The following ZNF528 variants were observed in gnomAD, a reference collection of about 807,000 sequenced individuals.
The protein encoded by ZNF528 is zinc finger protein 528.
ZNF528 carries 9 observed loss-of-function variants against 13.3 expected under a neutral mutation model. That is an observed-to-expected ratio of 0.67 (90% CI 0.41 to 1.18). ZNF528 has a LOEUF of 1.18. Ranked by LOEUF, ZNF528 falls within the 50% of genes most tolerant of loss-of-function variation. The pLI, the probability that ZNF528 is intolerant of heterozygous loss-of-function variation, is 0.01. For synonymous variants in ZNF528, 264 were observed against 254.3 expected (o/e 1.04, Z -0.36); for missense variants, 858 against 745.4 (o/e 1.15, Z -1.76).
At chr19:52,406,748 T>C in intron 6 of ZNF528, 105 bp downstream of exon 6, 25 of 1,392,248 alleles carry the variant, frequency 1.8e-5, no homozygotes, top group Non-Finnish European at 2.3e-5. Context: ...CATAGCTCAC[T>C]GCAGCCTTGA....
chr19:52,411,331 TAA>T (rs984074646), intron 6 of ZNF528: 1 of 152,150 alleles, frequency 6.6e-6, no homozygotes, highest in African/African-American at 2.4e-5. Context: ...AATGGTATAA[TAA>T]AGAAACAATC....
chr19:52,414,739 G>C, intron 6 of ZNF528: 1 of 387,886 alleles, frequency 2.6e-6, no homozygotes, highest in Non-Finnish European at 4.9e-6. Context: ...CTACATGTGG[G>C]AACACTCAGT....
In ZNF528 at chr19:52,415,798, C is replaced by CA. The variant is rs749533351; in HGVS notation, c.952dup (p.Ile318AsnfsTer11). 6.2e-7 allele frequency: 1 copy of CA among 1,614,028 alleles called. No individual in the cohort carries two copies. The highest frequency in any genetic ancestry group is 8.5e-7 in the Non-Finnish European group (1 of 1,180,014). On this transcript the variant is annotated frameshift_variant, in exon 7 of 7. Coordinates refer to ENST00000360465, the MANE Select transcript of ZNF528 (RefSeq NM_032423.3). LOFTEE classifies it low-confidence loss of function (END_TRUNC). ...TCAAATTGCACACCTTGTACGACAT[C>CA]AAAAAATTCATACTGGAGAGAAACC... is the stretch of plus-strand genomic sequence containing the variant.
rs111440984 is a variant in ZNF528 at position 52,401,865 on chromosome 19, G to A, written c.-67-82G>A. The A allele has an allele frequency of 9.7e-4, 1,509 of 1,547,980 alleles. 8 individuals carry two copies. In the African/African-American group the frequency reaches 0.018, roughly 19 times the overall value. On this transcript the variant is annotated intron_variant, in intron 3 of 6. Coordinates refer to ENST00000360465, the MANE Select transcript of ZNF528 (RefSeq NM_032423.3). ...AAGTTTGAGGATTACCTCAGGGTGAGGTCTTCCCTTTGTGTGTGGCTATGG... is the reference window on the plus strand; with the variant it reads ...AAGTTTGAGGATTACCTCAGGGTGAAGTCTTCCCTTTGTGTGTGGCTATGG...
At chr19:52,412,971 T>G (rs1482244560) in intron 6 of ZNF528, 1 of 152,228 alleles carries the variant, frequency 6.6e-6, no homozygotes, top group Non-Finnish European at 1.5e-5. Flanking sequence ...AGTGCACATT[T>G]ACAATCCACG....
chr19:52,406,426 T>G, intron 5 of ZNF528, 89 bp from the exon 6 acceptor site: 3 of 1,512,862 alleles, frequency 2.0e-6, no homozygotes, highest in South Asian at 1.4e-5. Flanking sequence ...TATTTATGAT[T>G]TAATTATAAT....
chr19:52,414,055 C>G (rs1479484091), intron 6 of ZNF528: 1 of 595,880 alleles, frequency 1.7e-6, no homozygotes, highest in Non-Finnish European at 3.0e-6. Context: ...CAAGTTCTGC[C>G]CCACGTTACC....
At chr19:52,407,127 G>A (rs1194271590) in intron 6 of ZNF528, among the ~76,000 whole-genome samples, 1 of 150,280 alleles carries the variant, frequency 6.7e-6, no homozygotes, top group Admixed American at 6.6e-5. Flanking sequence ...GGTATTTTAT[G>A]TGGAGATGGG....
rs1373008705 is a variant in ZNF528 at position 52,415,115 on chromosome 19, C to A, written c.272-9C>A. On this transcript the variant is annotated splice_polypyrimidine_tract_variant and intron_variant, in intron 6 of 6. Transcript: ENST00000360465. The stretch of plus-strand genomic sequence containing the variant: ...GGGTTGAAGTTCCACTTTTTTCTTT[C>A]TGTTTTAGAGAGGAGCTCTAAATTG... 1.2e-6 allele frequency: 2 copies of A among 1,608,254 alleles called. No homozygotes were observed. Among genetic ancestry groups the A allele is most frequent in the African/African-American group, 2.7e-5 (2 of 74,656 alleles).
intron 6 of ZNF528, chr19:52,413,518 G>A (rs1180042989): frequency 6.6e-6 from 1 of 152,134 alleles, no homozygotes; most frequent in Non-Finnish European, 1.5e-5. Flanking sequence ...TGAATAAACT[G>A]ATGTAGATTG....
chr19:52,409,248 G>A (rs2058898523), intron 6 of ZNF528, among the ~76,000 whole-genome samples: 1 of 151,024 alleles, frequency 6.6e-6, no homozygotes, highest in Non-Finnish European at 1.5e-5. Flanking sequence ...TTTCTTTATA[G>A]TATGTCTCTG....
At chr19:52,414,475 G>C (rs945859035) in intron 6 of ZNF528, 1 of 575,962 alleles carries the variant, frequency 1.7e-6, no homozygotes, top group Non-Finnish European at 3.1e-6. Flanking sequence ...GGCAGGGGGA[G>C]GGGGTGGTTA....
chr19:52,402,279 G>A (rs1319256968), intron 4 of ZNF528: 1 of 612,434 alleles, frequency 1.6e-6, no homozygotes, highest in East Asian at 2.8e-5. Context: ...TGGAGACGGG[G>A]TGTGGGTCCC....
intron 5 of ZNF528, 59 bp downstream of exon 5, chr19:52,406,092 C>G (rs964307487): frequency 4.5e-6 from 7 of 1,549,216 alleles, no homozygotes; most frequent in Non-Finnish European, 6.1e-6. Flanking sequence ...TGAATTGTGT[C>G]TTATATGCCT....
chr19:52,403,728 T>C (rs1206258777), intron 4 of ZNF528, among the ~76,000 whole-genome samples: 2 of 151,316 alleles, frequency 1.3e-5, no homozygotes, highest in African/African-American at 4.9e-5. Flanking sequence ...TCTATAAGTG[T>C]GTATGTGTAC....
intron 6 of ZNF528, chr19:52,414,858 C>T: frequency 8.3e-7 from 1 of 1,203,650 alleles, no homozygotes; most frequent in Non-Finnish European, 1.1e-6. Flanking sequence ...CCTGCTTCTT[C>T]CCAGAAGTTT....
rs2059017827 is a variant in ZNF528, at chr19:52,417,613, G to A, written c.*874G>A. On this transcript the variant is annotated 3_prime_UTR_variant, in exon 7 of 7. Transcript: ENST00000360465. ...CCTGCTGTTTAGCAAAGACTGATGA[G>A]AAGTAGACTTTTTTTTTTTTGGAGA... 6.6e-6 allele frequency: 1 copy of A among 152,284 alleles called. No individual in the cohort carries two copies. Among genetic ancestry groups the A allele is most frequent in the African/African-American group, 2.4e-5 (1 of 41,386 alleles). The allele number at this position is 152,284 out of a possible 1,614,324, so 9.4% of individuals were successfully genotyped here.
At chr19:52,404,185 A>G (rs1228723547) in intron 4 of ZNF528, among the ~76,000 whole-genome samples, 2 of 152,146 alleles carry the variant, frequency 1.3e-5, no homozygotes, top group African/African-American at 2.4e-5. Flanking sequence ...AATACATGTG[A>G]AAGAGTTGTC....
At chr19:52,404,498 G>C (rs1323246596) in intron 4 of ZNF528, among the ~76,000 whole-genome samples, 1 of 152,130 alleles carries the variant, frequency 6.6e-6, no homozygotes, top group Non-Finnish European at 1.5e-5. Flanking sequence ...GTTAGTTCAT[G>C]TAAAGCATTT....
Sources: gnomAD v4.1 joint callset for allele counts (sites outside exome capture counted in the v4.1 genomes callset) on GRCh38, gnomAD v4.1.1 for gene constraint, MANE v1.5 for transcripts, NCBI Gene and HGNC (gene_info 2026-07-23, HGNC 2026-07-21) for gene names.